The following FMO4 variants were observed in gnomAD, a reference collection of about 807,000 sequenced individuals.
FMO4 encodes the protein dimethylaniline monooxygenase [N-oxide-forming] 4.
In FMO4, 38 loss-of-function variants were observed where a neutral mutation model predicts 43.3. The observed-to-expected ratio is 0.88, with a 90% CI of 0.68 to 1.15. The LOEUF (loss-of-function observed/expected upper bound fraction) is 1.15, where lower values mean the gene tolerates loss of function less well. Ranked by LOEUF, FMO4 falls within the 50% of genes most tolerant of loss-of-function variation. The pLI is 0.00. For synonymous variants in FMO4, 224 were observed against 232.2 expected (o/e 0.96, Z 0.32); for missense variants, 631 against 663.3 (o/e 0.95, Z 0.54).
chr1:171,334,515 T>A lies in FMO4; in HGVS notation c.932T>A (p.Val311Asp). Residue 311 changes from valine (V) to aspartate (D), a missense_variant, in exon 8 of 10, where the codon GTC becomes GAC. Transcript: ENST00000367749. ...SVIEFTETSA[V>D]FEDGTVEENI... ...ATTGAATTTACAGAAACCTCTGCTG[T>A]CTTTGAAGATGGGACAGTGGAAGAA... is the stretch of plus-strand genomic sequence containing the variant. The A allele has an allele frequency of 3.1e-6, 5 of 1,613,722 alleles. No homozygotes were observed. The highest frequency in any genetic ancestry group is 4.2e-6 in the Non-Finnish European group (5 of 1,179,644).
At chr1:171,334,364 T>C (rs1388632200) in intron 7 of FMO4, 47 bp from the exon 8 acceptor site, 1 of 1,214,136 alleles carries the variant, frequency 8.2e-7, no homozygotes, top group African/African-American at 1.5e-5. Context: ...TGCTGAAGTT[T>C]CTCATAAAAA....
At chr1:171,317,206 A>G (rs955590063) in intron 2 of FMO4, among the ~76,000 whole-genome samples, 1 of 152,180 alleles carries the variant, frequency 6.6e-6, no homozygotes, top group African/African-American at 2.4e-5. Context: ...TACTGGTCCT[A>G]ATAGCTCAAA....
Position 171,332,752 on chromosome 1 carries a change from C to T in FMO4, c.671C>T (p.Ser224Phe), listed in dbSNP as rs1358907730. ...TRTGTWVLGR[S>F]SDWGYPYNMM... is the part of the protein sequence containing the mutation. Reference sequence around the variant, plus strand: ...ACTGGTACCTGGGTTCTTGGGCGCTCTTCAGATTGGGGCTATCCTTATAAT... The same window carrying T: ...ACTGGTACCTGGGTTCTTGGGCGCTTTTCAGATTGGGGCTATCCTTATAAT... Residue 224 changes from serine (S) to phenylalanine (F), a missense_variant, in exon 7 of 10, where the codon TCT becomes TTT. Transcript: ENST00000367749. 6.2e-7 allele frequency: 1 copy of T among 1,611,716 alleles called. No homozygotes were observed. The highest frequency in any genetic ancestry group is 1.1e-5 in the South Asian group (1 of 91,028).
Position 171,334,747 on chromosome 1 carries a change from C to G in FMO4, c.1164C>G (p.Val388=), listed in dbSNP as rs766105038. ...LSGTELQARW[V]TRVFKGLCKI... ...GCACAGAGCTCCAAGCACGATGGGT[C>G]ACAAGAGTATTCAAAGGTACCATGA... Residue 388 remains valine (V), a synonymous_variant, in exon 8 of 10, where the codon GTC becomes GTG. Coordinates refer to ENST00000367749, the MANE Select transcript of FMO4 (RefSeq NM_002022.3). 5.1e-6 allele frequency: 8 copies of G among 1,568,028 alleles called. No individual in the cohort carries two copies. The highest frequency in any genetic ancestry group is 6.9e-6 in the Non-Finnish European group (8 of 1,161,962).
chr1:171,335,780 T>C (rs2101903811), intron 8 of FMO4, among the ~76,000 whole-genome samples: 1 of 152,296 alleles, frequency 6.6e-6, no homozygotes, highest in African/African-American at 2.4e-5. Context: ...AAATCTCATT[T>C]TATTTACATT....
Position 171,341,629 on chromosome 1 carries a change from G to A in FMO4, c.1467G>A (p.Gln489=), listed in dbSNP as rs1383907384. Residue 489 remains glutamine, a synonymous_variant, in exon 10 of 10, where the codon CAG becomes CAA. Transcript: ENST00000367749. ...WDGARNAILT[Q]WDRTLKPLKT... ...GAGCCAGAAATGCCATCCTGACCCA[G>A]TGGGACAGAACATTGAAACCTTTAA... is the stretch of plus-strand genomic sequence containing the variant. 1.2e-6 allele frequency: 2 copies of A among 1,613,814 alleles called. No individual in the cohort carries two copies. The highest frequency in any genetic ancestry group is 8.5e-7 in the Non-Finnish European group (1 of 1,179,934).
At chr1:171,333,717 A>G (rs1662995828) in intron 7 of FMO4, among the ~76,000 whole-genome samples, 1 of 152,090 alleles carries the variant, frequency 6.6e-6, no homozygotes, top group African/African-American at 2.4e-5. Context: ...ATGTCCTTCA[A>G]CTTATGAGGA....
At chr1:171,340,405 C>T (rs540997332) in intron 9 of FMO4, among the ~76,000 whole-genome samples, 2 of 152,208 alleles carry the variant, frequency 1.3e-5, no homozygotes, top group South Asian at 4.1e-4. Context: ...CTCCCCTCTC[C>T]CCCATTTCAG....
At chr1:171,319,715 T>C in intron 2 of FMO4, 103 bp from the exon 3 acceptor site, 3 of 915,880 alleles carry the variant, frequency 3.3e-6, no homozygotes, top group Non-Finnish European at 5.0e-6. Context: ...CACTCAAAGA[T>C]GAAAAAAAGG....
At chr1:171,327,607 C>T (rs1176156187) in intron 5 of FMO4, among the ~76,000 whole-genome samples, 3 of 151,986 alleles carry the variant, frequency 2.0e-5, no homozygotes, top group African/African-American at 2.4e-5. Flanking sequence ...TATGGGGGTG[C>T]TGTGAGGTTT....
In FMO4 at chr1:171,323,067, A is replaced by G. The variant is rs766650072; in HGVS notation, c.196A>G (p.Met66Val). The G allele has an allele frequency of 8.7e-6, 14 of 1,613,480 alleles. No individual in the cohort carries two copies. The Admixed American group carries it at 2.3e-4, about 27-fold the overall frequency. ...KSLVTNVCKE[M>V]SCYSDFPFHE... Reference sequence around the variant, plus strand: ...ATTAGTGACAAATGTCTGTAAGGAAATGTCATGTTACAGTGACTTCCCTTT... The same window carrying G: ...ATTAGTGACAAATGTCTGTAAGGAAGTGTCATGTTACAGTGACTTCCCTTT... Residue 66 changes from methionine to valine, a missense_variant, in exon 4 of 10, where the codon ATG becomes GTG. Transcript: ENST00000367749.
intron 9 of FMO4, among the ~76,000 whole-genome samples, chr1:171,338,567 C>G (rs891532266): frequency 6.6e-6 from 1 of 152,176 alleles, no homozygotes; most frequent in African/African-American, 2.4e-5. Flanking sequence ...CCCTCAGAAC[C>G]TTTACGCTCT....
In FMO4 at chr1:171,322,586, C is replaced by T. The variant is rs1256646304; in HGVS notation, c.133-418C>T. ...TACAAATAGTGGCTGGGTGCAGTGG[C>T]TCATGCCTGTAATCCAGGCACTTTA... is the stretch of plus-strand genomic sequence containing the variant. On this transcript the variant is annotated intron_variant, in intron 3 of 9. Transcript: ENST00000367749. Among the ~76,000 whole-genome samples the T allele has an allele frequency of 3.9e-5, 6 of 152,190 alleles. No individual in the cohort carries two copies. The East Asian group carries it at 9.6e-4, about 24-fold the overall frequency.
intron 4 of FMO4, 62 bp downstream of exon 4, chr1:171,323,254 G>A (rs1439338477): frequency 2.7e-6 from 3 of 1,096,824 alleles, no homozygotes; most frequent in East Asian, 4.8e-5. Flanking sequence ...GCAATCTAAT[G>A]AAAATTGGAT....
intron 1 of FMO4, among the ~76,000 whole-genome samples, chr1:171,315,638 C>T (rs961012888): frequency 2.0e-5 from 3 of 152,188 alleles, no homozygotes; most frequent in African/African-American, 7.2e-5. Context: ...ATTTCCAGTT[C>T]ACTCACTACC....
chr1:171,333,386 G>A (rs1662982901), intron 7 of FMO4, among the ~76,000 whole-genome samples: 2 of 152,068 alleles, frequency 1.3e-5, no homozygotes, highest in South Asian at 4.1e-4. Flanking sequence ...ACCTCGCCCA[G>A]CTAATTTTTG....
intron 3 of FMO4, among the ~76,000 whole-genome samples, chr1:171,321,288 A>T (rs923319484): frequency 2.6e-5 from 4 of 152,204 alleles, no homozygotes; most frequent in Non-Finnish European, 5.9e-5. Context: ...AGTACTATTA[A>T]CATTTCAATG....
At chr1:171,318,206 A>G (rs1189348902) in intron 2 of FMO4, among the ~76,000 whole-genome samples, 2 of 152,062 alleles carry the variant, frequency 1.3e-5, no homozygotes, top group African/African-American at 4.8e-5. Flanking sequence ...AATCCCAGCT[A>G]CTTGGGAGGC....
intron 2 of FMO4, among the ~76,000 whole-genome samples, chr1:171,319,035 A>G (rs1347330404): frequency 6.6e-6 from 1 of 152,208 alleles, no homozygotes; most frequent in African/African-American, 2.4e-5. Context: ...ACAGCTAAGT[A>G]TTACTAGTTC....
Sources: gnomAD v4.1 joint callset for allele counts (sites outside exome capture counted in the v4.1 genomes callset) on GRCh38, gnomAD v4.1.1 for gene constraint, MANE v1.5 for transcripts, NCBI Gene and HGNC (gene_info 2026-07-23, HGNC 2026-07-21) for gene names.